Variants in KLHL2 observed in about 807,000 individuals in gnomAD.
The protein encoded by KLHL2 is kelch-like protein 2.
Under a neutral mutation model 75.8 loss-of-function variants are expected in KLHL2, and 15 were observed. The ratio of observed to expected loss-of-function variants is 0.20; its 90% CI spans 0.13 to 0.30. KLHL2 has a LOEUF of 0.30. KLHL2 is among the 10% of genes least tolerant of loss of function. KLHL2 has a pLI of 1.00. For missense variants in KLHL2, 381 were observed against 741.0 expected, an observed-to-expected ratio of 0.51 and a Z score of 5.64; for synonymous variants, 214 against 251.9, an observed-to-expected ratio of 0.85 and a Z score of 1.42.
Position 165,219,935 on chromosome 4 carries a change from T to A in KLHL2, c.28T>A (p.Cys10Ser), listed in dbSNP as rs769544331. 3 of 1,611,048 alleles carry A rather than the reference T, an allele frequency of 1.9e-6. No homozygotes were observed. The highest frequency in any genetic ancestry group is 1.7e-6 in the Non-Finnish European group (2 of 1,179,092). Residue 10 changes from cysteine to serine, a missense_variant and splice_region_variant, in exon 2 of 15, where the codon TGC (cysteine) becomes AGC (serine). By Grantham distance (112) the Cys-to-Ser change is moderately radical. Around this residue, in one of 5 missense-constraint regions of KLHL2, gnomAD observed 48 missense variants for 88.9 expected, o/e 0.54. Transcript: ENST00000226725. ...TTTGTTCTTTTCTTTTATGTACAGA[T>A]GCACAAAGCAGGGTCATCAGAAGCC... METPPLPPA[C>S]TKQGHQKPLD...
intron 5 of KLHL2, among the ~76,000 whole-genome samples, chr4:165,288,369 G>A (rs1744242767): frequency 6.6e-6 from 1 of 151,870 alleles, no homozygotes; most frequent in African/African-American, 2.4e-5. Context: ...TTTCACCCTT[G>A]TTCCTCATTT....
At chr4:165,267,606 G>A (rs961438145) in intron 5 of KLHL2, among the ~76,000 whole-genome samples, 1 of 152,100 alleles carries the variant, frequency 6.6e-6, no homozygotes, top group Non-Finnish European at 1.5e-5. Context: ...TTATGTGATG[G>A]ATTACGTTTA....
In KLHL2 at chr4:165,313,305, T is replaced by C. The variant is rs150000359; in HGVS notation, c.1407T>C (p.Tyr469=). The C allele has an allele frequency of 1.1e-5, 18 of 1,595,968 alleles. No homozygotes were observed. The African/African-American group carries it at 1.8e-4, about 16-fold the overall frequency. The change falls in exon 12 of 15, where the codon TAT becomes TAC. Residue 469 remains tyrosine (Y), a synonymous_variant. Transcript: ENST00000226725. ...SRQCLSTVEC[Y]NATTNEWTYI... is the part of the protein sequence containing the mutation. ...AGTGTCTTAGCACAGTAGAATGCTA[T>C]AATGCTACAACAAATGAGTGGACCT...
chr4:165,318,225 T>G (rs1426456941), intron 14 of KLHL2, among the ~76,000 whole-genome samples: 1 of 152,034 alleles, frequency 6.6e-6, no homozygotes, highest in Admixed American at 6.6e-5. Flanking sequence ...TTAATGTAGC[T>G]AAAATCTGTA....
At chr4:165,236,377 G>T (rs1057263084) in intron 3 of KLHL2, among the ~76,000 whole-genome samples, 2 of 152,004 alleles carry the variant, frequency 1.3e-5, no homozygotes, top group Non-Finnish European at 2.9e-5. Flanking sequence ...GGGTAGCCTA[G>T]TTTTTTTTCT....
chr4:165,278,173 A>C, intron 5 of KLHL2: 1 of 1,370,554 alleles, frequency 7.3e-7, no homozygotes, highest in South Asian at 1.2e-5. Flanking sequence ...CCTCAGCATT[A>C]ATCTGAGGTT....
intron 9 of KLHL2, among the ~76,000 whole-genome samples, chr4:165,307,036 G>T (rs1023563416): frequency 6.6e-6 from 1 of 152,160 alleles, no homozygotes; most frequent in African/African-American, 2.4e-5. Context: ...GGGGCCAGGC[G>T]CAGTGGGTCA....
At chr4:165,219,848 A>G (rs1737844172) in intron 1 of KLHL2, 86 bp from the exon 2 acceptor site, 4 of 1,389,506 alleles carry the variant, frequency 2.9e-6, no homozygotes, top group Non-Finnish European at 2.9e-6. Flanking sequence ...GGAGACATTC[A>G]TTGTCTCTCT....
chr4:165,264,676 A>ATATG (rs1196561895), intron 5 of KLHL2, among the ~76,000 whole-genome samples: 4 of 79,020 alleles, frequency 5.1e-5, no homozygotes, highest in Non-Finnish European at 8.1e-5. Context: ...CTACATACGT[A>ATATG]TATGTATGTG....
intron 5 of KLHL2, among the ~76,000 whole-genome samples, chr4:165,264,713 T>TATATAA (rs1742043647): frequency 1.3e-5 from 1 of 74,448 alleles, no homozygotes. Flanking sequence ...TGTATATATA[T>TATATAA]ATATATACAT....
intron 11 of KLHL2, among the ~76,000 whole-genome samples, chr4:165,311,809 C>CTGTGTGTGTGTGTGTGTGTGTG (rs60870309): frequency 6.9e-6 from 1 of 144,790 alleles, no homozygotes; most frequent in African/African-American, 2.5e-5. Flanking sequence ...TCCTTTCTCT[C>CTGTGTGTGTGTGTGTGTGTGTG]TGTGTGTGTG....
At chr4:165,218,791 G>A (rs1737746732) in intron 1 of KLHL2, among the ~76,000 whole-genome samples, 1 of 152,234 alleles carries the variant, frequency 6.6e-6, no homozygotes, top group Non-Finnish European at 1.5e-5. Context: ...AAATGGGTCA[G>A]GAAAGGAAGA....
intron 5 of KLHL2, 55 bp downstream of exon 5, chr4:165,263,414 T>C: frequency 6.2e-7 from 1 of 1,601,022 alleles, no homozygotes; most frequent in Non-Finnish European, 8.5e-7. Context: ...GTTTTTGATA[T>C]GATTCCACAG....
Position 165,311,497 on chromosome 4 carries a change from C to T in KLHL2, c.1271C>T (p.Ser424Phe), listed in dbSNP as rs1408221285. ...TCTGTGGAAGCATACAACATAAAGT[C>T]TAATGAGTGGTTTCATGTAGCTCCC... Reference protein sequence around the residue: ...LSSVEAYNIKSNEWFHVAPMN... With the variant: ...LSSVEAYNIKFNEWFHVAPMN... The change falls in exon 11 of 15, where the codon TCT becomes TTT. Residue 424 changes from serine to phenylalanine, a missense_variant. Ser to Phe is a radical substitution (Grantham distance 155, BLOSUM62 -2). Coordinates refer to ENST00000226725, the MANE Select transcript of KLHL2 (RefSeq NM_007246.4). 2.5e-6 allele frequency: 4 copies of T among 1,613,650 alleles called. No individual in the cohort carries two copies. The highest frequency in any genetic ancestry group is 1.7e-5 in the Admixed American group (1 of 59,988).
At chr4:165,278,314 A>C in intron 5 of KLHL2, 2 of 1,086,074 alleles carry the variant, frequency 1.8e-6, no homozygotes, top group African/African-American at 3.1e-5. Context: ...TCACTACTGG[A>C]ATATACAGAA....
intron 8 of KLHL2, among the ~76,000 whole-genome samples, chr4:165,304,693 C>G (rs1248377203): frequency 6.6e-6 from 1 of 152,194 alleles, no homozygotes; most frequent in Non-Finnish European, 1.5e-5. Flanking sequence ...GAAGCTTTCA[C>G]TAAATTACGG....
chr4:165,320,272 C>G (rs929554874), intron 14 of KLHL2, among the ~76,000 whole-genome samples: 3 of 152,186 alleles, frequency 2.0e-5, no homozygotes, highest in African/African-American at 7.2e-5. Flanking sequence ...CTGCTCTTAT[C>G]TAAAAAGTTG....
At chr4:165,286,120 G>T (rs1451746319) in intron 5 of KLHL2, among the ~76,000 whole-genome samples, 1 of 152,130 alleles carries the variant, frequency 6.6e-6, no homozygotes, top group East Asian at 1.9e-4. Context: ...AAAGAGTGAA[G>T]CATAGCATCA....
At chr4:165,267,821 C>T (rs142332666) in intron 5 of KLHL2, among the ~76,000 whole-genome samples, 1,819 of 152,238 alleles carry the variant, frequency 0.012, 32 homozygotes, top group African/African-American at 0.04. Context: ...ATGATGCTGG[C>T]CTCATAAATG....
Sources: allele counts gnomAD v4.1 joint callset (sites outside exome capture counted in the v4.1 genomes callset), GRCh38; gene constraint gnomAD v4.1.1; regional missense constraint gnomAD v4.1.1; transcripts MANE v1.5; gene names NCBI Gene and HGNC (gene_info 2026-07-23, HGNC 2026-07-21).